SYN2: variants seen among roughly 807,000 people sequenced by gnomAD.
SYN2 encodes synapsin II.
In SYN2, 19 loss-of-function variants were observed where a neutral mutation model predicts 50.9. That is an observed-to-expected ratio of 0.37 (90% CI 0.26 to 0.55). The LOEUF (loss-of-function observed/expected upper bound fraction) is 0.55. Ranked by LOEUF, SYN2 falls within the 20% of genes least tolerant of loss-of-function variation. SYN2 has a pLI of 0.81. For missense variants in SYN2, 587 were observed against 576.4 expected (o/e 1.02, Z -0.19); for synonymous variants, 255 against 224.9 (o/e 1.13, Z -1.20).
At chr3:12,157,703 G>C (rs1005197066) in intron 5 of SYN2, among the ~76,000 whole-genome samples, 1 of 152,128 alleles carries the variant, frequency 6.6e-6, no homozygotes, top group Admixed American at 6.6e-5. Flanking sequence ...TCCTATAACC[G>C]CTAAGCTGTT....
At chr3:12,094,394 T>A (rs909690056) in intron 1 of SYN2, among the ~76,000 whole-genome samples, 1 of 152,142 alleles carries the variant, frequency 6.6e-6, no homozygotes, top group Non-Finnish European at 1.5e-5. Flanking sequence ...ATATGTACCT[T>A]ATATTTTATA....
At chr3:12,039,530 A>T (rs1260025619) in intron 1 of SYN2, among the ~76,000 whole-genome samples, 1 of 148,650 alleles carries the variant, frequency 6.7e-6, no homozygotes, top group Non-Finnish European at 1.5e-5. Context: ...CCTGCAGATG[A>T]GAAAACAAAG....
chr3:12,091,944 C>G (rs181644081), intron 1 of SYN2, among the ~76,000 whole-genome samples: 6 of 152,338 alleles, frequency 3.9e-5, no homozygotes, highest in African/African-American at 1.4e-4. Context: ...TTCAGAACTA[C>G]TTTGGCCAAC....
chr3:12,191,148 C>G lies in SYN2; in HGVS notation c.*523C>G. On this transcript the variant is annotated 3_prime_UTR_variant, in exon 13 of 13. Coordinates refer to ENST00000621198, the MANE Select transcript of SYN2 (RefSeq NM_133625.6). ...GTGTTACTGTTTAAAGCACACCCACCCAACTTACAAGATCTTAGGCTGCTG... is the reference window on the plus strand; with the variant it reads ...GTGTTACTGTTTAAAGCACACCCACGCAACTTACAAGATCTTAGGCTGCTG... 1.0e-6 allele frequency: 1 copy of G among 985,516 alleles called. No homozygotes were observed. The highest frequency in any genetic ancestry group is 1.2e-6 in the Non-Finnish European group (1 of 830,030). 61.0% of individuals were successfully genotyped at this position (985,516 alleles called of 1,614,324 possible).
At chr3:12,117,293 AAAC>A (rs1264697145) in intron 1 of SYN2, among the ~76,000 whole-genome samples, 4 of 152,162 alleles carry the variant, frequency 2.6e-5, no homozygotes, top group Non-Finnish European at 4.4e-5. Context: ...TTCTTAGAGA[AAAC>A]AACAAGGCAC....
chr3:12,077,094 G>A (rs910235066), intron 1 of SYN2, among the ~76,000 whole-genome samples: 5 of 151,964 alleles, frequency 3.3e-5, no homozygotes, highest in Non-Finnish European at 7.4e-5. Flanking sequence ...TTGCGATGGG[G>A]CAATCTTGCT....
chr3:12,189,781 G>A (rs1052919049), intron 12 of SYN2, among the ~76,000 whole-genome samples: 2 of 141,648 alleles, frequency 1.4e-5, no homozygotes, highest in Admixed American at 7.3e-5. Flanking sequence ...CAGCCTTTGC[G>A]ACAGAGATTC....
At chr3:12,043,010 T>C (rs575571473) in intron 1 of SYN2, among the ~76,000 whole-genome samples, 4 of 151,046 alleles carry the variant, frequency 2.6e-5, no homozygotes, top group East Asian at 3.9e-4. Flanking sequence ...ACCTTTTTTT[T>C]CCTTCTCTTT....
intron 10 of SYN2, among the ~76,000 whole-genome samples, chr3:12,174,095 C>T (rs1168849445): frequency 2.0e-5 from 3 of 152,054 alleles, no homozygotes; most frequent in African/African-American, 7.2e-5. Context: ...TTCTTGGCCT[C>T]CTTTGCTGAT....
intron 1 of SYN2, among the ~76,000 whole-genome samples, chr3:12,015,165 G>A (rs903635723): frequency 2.0e-5 from 3 of 152,086 alleles, no homozygotes; most frequent in Admixed American, 6.6e-5. Context: ...GTCTTTACCT[G>A]GATAATCTTC....
At chr3:12,121,285 A>G (rs1159865359) in intron 1 of SYN2, among the ~76,000 whole-genome samples, 1 of 152,198 alleles carries the variant, frequency 6.6e-6, no homozygotes, top group Non-Finnish European at 1.5e-5. Context: ...CTCGTACTAG[A>G]CAGCATTCCT....
chr3:12,109,219 G>A (rs773181485), intron 1 of SYN2, among the ~76,000 whole-genome samples: 56 of 152,328 alleles, frequency 3.7e-4, no homozygotes, highest in Middle Eastern at 3.4e-3. Context: ...TAAAGGCACA[G>A]TAGTGGAGAT....
At chr3:12,133,090 G>A (rs1322169070) in intron 1 of SYN2, among the ~76,000 whole-genome samples, 1 of 152,166 alleles carries the variant, frequency 6.6e-6, no homozygotes, top group Non-Finnish European at 1.5e-5. Flanking sequence ...TGTAACCTTG[G>A]CAATTTCCCC....
In SYN2 at chr3:12,004,481, C is replaced by T; in HGVS notation, c.-71C>T. The T allele has an allele frequency of 2.5e-6, 1 of 404,728 alleles. No individual in the cohort carries two copies. The highest frequency in any genetic ancestry group is 4.8e-6 in the Non-Finnish European group (1 of 209,234). 25.1% of individuals were successfully genotyped at this position (404,728 alleles called of 1,614,324 possible). ...AGCCGCCTCAGTCGCCTCAATCTCG[C>T]CTTCCGCCCTCGCTCTCCCTCCGCG... On this transcript the variant is annotated 5_prime_UTR_variant, in exon 1 of 13. Transcript: ENST00000621198.
At chr3:12,183,185 A>G (rs1411435208) in intron 10 of SYN2, 127 bp from the exon 11 acceptor site, 6 of 1,316,662 alleles carry the variant, frequency 4.6e-6, no homozygotes, top group Non-Finnish European at 5.1e-6. Context: ...GCCTATGGCC[A>G]GATCCCACTG....
At chr3:12,121,816 G>A (rs1696566246) in intron 1 of SYN2, among the ~76,000 whole-genome samples, 1 of 152,134 alleles carries the variant, frequency 6.6e-6, no homozygotes. Context: ...TGATTGTGGG[G>A]GCTGGCAGGT....
rs1227773381 is a variant in SYN2, at chr3:12,078,618, G to GT, written c.378-62032dup. Reference sequence around the variant, plus strand: ...TGTCGAAGATCAGGTGGTTGTAGATGTGCAGTCTTATTTCTGAGTTCTCTG... The same window carrying GT: ...TGTCGAAGATCAGGTGGTTGTAGATGTTGCAGTCTTATTTCTGAGTTCTCTG... On this transcript the variant is annotated intron_variant, in intron 1 of 12. Transcript: ENST00000621198. Among the ~76,000 whole-genome samples, 9 of 152,202 alleles carry GT rather than the reference G, an allele frequency of 5.9e-5. No homozygotes were observed. The East Asian group carries it at 1.5e-3, about 26-fold the overall frequency.
rs1694334276 is a variant in SYN2, at chr3:12,029,450, C to T, written c.377+24522C>T. On this transcript the variant is annotated intron_variant, in intron 1 of 12. Coordinates refer to ENST00000621198, the MANE Select transcript of SYN2 (RefSeq NM_133625.6). ...TAGCTTGATGGGGATGGCATTGAAT[C>T]TGTAAATTACCTTGGGCAGTATGGC... Among the ~76,000 whole-genome samples the T allele has an allele frequency of 3.2e-5, 4 of 126,622 alleles. No individual in the cohort carries two copies. In the South Asian group the frequency reaches 9.7e-4, roughly 31 times the overall value. 83.1% of individuals were successfully genotyped at this position (126,622 alleles called of 152,430 possible).
chr3:12,020,156 AAG>A (rs1371117108), intron 1 of SYN2, among the ~76,000 whole-genome samples: 1 of 152,170 alleles, frequency 6.6e-6, no homozygotes, highest in Admixed American at 6.5e-5. Context: ...GTTGTCAGGA[AAG>A]AGGATTTTCA....
Sources: gnomAD v4.1 joint callset for allele counts (sites outside exome capture counted in the v4.1 genomes callset) on GRCh38, gnomAD v4.1.1 for gene constraint, MANE v1.5 for transcripts, NCBI Gene and HGNC (gene_info 2026-07-23, HGNC 2026-07-21) for gene names.